RBPJ: variants seen among roughly 807,000 people sequenced by gnomAD.
RBPJ encodes recombination signal binding protein for immunoglobulin kappa J region, also known as recombining binding protein suppressor of hairless.
In RBPJ, 9 loss-of-function variants were observed where a neutral mutation model predicts 67.8. That is an observed-to-expected ratio of 0.13 (90% confidence interval 0.08 to 0.23). The LOEUF is 0.23. RBPJ is among the 10% of genes least tolerant of loss of function. The pLI is 1.00. For synonymous variants in RBPJ, 198 were observed against 203.3 expected, an observed-to-expected ratio of 0.97 and a Z score of 0.22; for missense variants, 305 against 595.6, an observed-to-expected ratio of 0.51 and a Z score of 5.08.
chr4:26,130,422 TG>T, the RBPJ span, among the ~76,000 whole-genome samples: 1 of 152,166 alleles, frequency 6.6e-6, no homozygotes, highest in East Asian at 1.9e-4. Flanking sequence ...TTTGTCTGCT[TG>T]GGTTTGTCAG....
the RBPJ span, among the ~76,000 whole-genome samples, chr4:26,133,136 G>T: frequency 6.6e-6 from 1 of 152,224 alleles, no homozygotes; most frequent in African/African-American, 2.4e-5. Context: ...CCATTTCCTT[G>T]CACATGCACC....
the RBPJ span, among the ~76,000 whole-genome samples, chr4:26,151,728 A>C: frequency 6.6e-6 from 1 of 152,216 alleles, no homozygotes; most frequent in East Asian, 1.9e-4. Context: ...TTTCCATTTT[A>C]CTATCGGTTT....
intron 1 of RBPJ, among the ~76,000 whole-genome samples, chr4:26,258,249 C>T (rs1434119278): frequency 6.6e-6 from 1 of 152,192 alleles, no homozygotes; most frequent in African/African-American, 2.4e-5. Flanking sequence ...TCAACTTGCT[C>T]ACTACCAATT....
chr4:26,427,216 AG>A (rs1476753044), intron 7 of RBPJ, among the ~76,000 whole-genome samples: 1 of 152,144 alleles, frequency 6.6e-6, no homozygotes, highest in African/African-American at 2.4e-5. Flanking sequence ...TGGGTGTGAG[AG>A]AAAGCAAGGC....
At chr4:26,121,182 C>G in the RBPJ span, among the ~76,000 whole-genome samples, 1 of 152,046 alleles carries the variant, frequency 6.6e-6, no homozygotes, top group African/African-American at 2.4e-5. Context: ...CATCAAGCTC[C>G]CTGGGCAGAA....
intron 1 of RBPJ, among the ~76,000 whole-genome samples, chr4:26,223,535 G>A (rs537528564): frequency 6.6e-6 from 1 of 152,330 alleles, no homozygotes; most frequent in East Asian, 1.9e-4. Flanking sequence ...CCAAAAAGAA[G>A]ATGTCCTAAT....
At chr4:26,312,714 C>T (rs1331516981) in intron 1 of RBPJ, among the ~76,000 whole-genome samples, 1 of 152,176 alleles carries the variant, frequency 6.6e-6, no homozygotes, top group Admixed American at 6.5e-5. Flanking sequence ...TCTTTCCTAT[C>T]ATAGAATTCC....
chr4:26,316,334 C>CATTCATATATACAT (rs1315104501), upstream of RBPJ, among the ~76,000 whole-genome samples: 4 of 145,126 alleles, frequency 2.8e-5, no homozygotes, highest in Admixed American at 1.4e-4. Flanking sequence ...CATATATATA[C>CATTCATATATACAT]ATTCATATAT....
chr4:26,327,677 A>G (rs1723781256), intron 1 of RBPJ, among the ~76,000 whole-genome samples: 1 of 151,718 alleles, frequency 6.6e-6, no homozygotes, highest in African/African-American at 2.4e-5. Flanking sequence ...TTTACATAAC[A>G]GGAGAAAAAA....
chr4:26,281,202 G>A (rs1721262604), intron 1 of RBPJ, among the ~76,000 whole-genome samples: 1 of 152,046 alleles, frequency 6.6e-6, no homozygotes, highest in South Asian at 2.1e-4. Flanking sequence ...AGGCTTAATG[G>A]GTAGTATCTA....
chr4:26,211,700 GCAAA>G (rs958520872), intron 1 of RBPJ, among the ~76,000 whole-genome samples: 1 of 152,128 alleles, frequency 6.6e-6, no homozygotes, highest in African/African-American at 2.4e-5. Flanking sequence ...CGGGTAGACA[GCAAA>G]CAAAGAATCA....
intron 1 of RBPJ, among the ~76,000 whole-genome samples, chr4:26,334,019 A>G (rs1560273172): frequency 1.3e-5 from 2 of 150,832 alleles, no homozygotes; most frequent in Non-Finnish European, 3.0e-5. Context: ...ATGTTGTTCT[A>G]TCAGTTAATC....
intron 1 of RBPJ, among the ~76,000 whole-genome samples, chr4:26,286,769 ATGT>A (rs1721480282): frequency 6.7e-6 from 1 of 148,298 alleles, no homozygotes. Flanking sequence ...TTGTAAAATG[ATGT>A]TGTAAAGTAA....
intron 1 of RBPJ, among the ~76,000 whole-genome samples, chr4:26,283,742 G>A (rs1462615438): frequency 6.6e-6 from 1 of 151,168 alleles, no homozygotes; most frequent in Non-Finnish European, 1.5e-5. Context: ...CACCTCCCAG[G>A]TTCAAGCGAT....
chr4:26,129,055 T>C, the RBPJ span, among the ~76,000 whole-genome samples: 1 of 152,220 alleles, frequency 6.6e-6, no homozygotes, highest in Non-Finnish European at 1.5e-5. Flanking sequence ...ACTAATACAA[T>C]GTCTGAAAAT....
At chr4:26,311,707 C>CTCCCTT (rs1722432418) in intron 1 of RBPJ, among the ~76,000 whole-genome samples, 1 of 152,128 alleles carries the variant, frequency 6.6e-6, no homozygotes, top group Non-Finnish European at 1.5e-5. Context: ...AAAAAAGAAA[C>CTCCCTT]TATGTGCCAT....
At chr4:26,222,640 A>ATG (rs1718951189) in intron 1 of RBPJ, among the ~76,000 whole-genome samples, 1 of 141,904 alleles carries the variant, frequency 7.0e-6, no homozygotes, top group South Asian at 2.1e-4. Flanking sequence ...TGAAATATAT[A>ATG]TATATATATA....
intron 1 of RBPJ, among the ~76,000 whole-genome samples, chr4:26,210,040 A>G (rs1718330470): frequency 6.6e-6 from 1 of 152,124 alleles, no homozygotes; most frequent in Non-Finnish European, 1.5e-5. Context: ...CCCACTGTAG[A>G]GTTTTAAACA....
chr4:26,124,964 T>A, the RBPJ span, among the ~76,000 whole-genome samples: 1 of 152,182 alleles, frequency 6.6e-6, no homozygotes, highest in East Asian at 1.9e-4. Context: ...GCCCGGACAC[T>A]TTCTATCCTA....
Sources: allele counts gnomAD v4.1 joint callset (sites outside exome capture counted in the v4.1 genomes callset), GRCh38; gene constraint gnomAD v4.1.1; transcripts MANE v1.5; gene names NCBI Gene and HGNC (gene_info 2026-07-23, HGNC 2026-07-21).